KPNA7: variants seen among roughly 807,000 people sequenced by gnomAD.
KPNA7 encodes karyopherin subunit alpha 7.
In KPNA7, 54 loss-of-function variants were observed where a neutral mutation model predicts 53.7. The observed-to-expected ratio is 1.01, with a 90% CI of 0.81 to 1.26. KPNA7 has a LOEUF of 1.26. Among genes scored for constraint, KPNA7 ranks in the 50% most tolerant of loss-of-function variants. The pLI is 0.00. For missense variants in KPNA7, 640 were observed against 644.5 expected (o/e 0.99, Z 0.07); for synonymous variants, 276 against 259.3 (o/e 1.06, Z -0.62).
At chr7:99,148,844 C>G in the KPNA7 span, among the ~76,000 whole-genome samples, 1 of 1,742 alleles carries the variant, frequency 5.7e-4, no homozygotes, top group Non-Finnish European at 1.4e-3. Context: ...CTTTAGCCTC[C>G]CAAAAGGGCT....
the KPNA7 span, among the ~76,000 whole-genome samples, chr7:99,168,318 G>A: frequency 6.6e-6 from 1 of 152,158 alleles, no homozygotes; most frequent in South Asian, 2.1e-4. Flanking sequence ...TTGCCATGTT[G>A]TTGGATGGTT....
chr7:99,176,883 C>T (rs534727823), intron 10 of KPNA7, among the ~76,000 whole-genome samples: 1 of 151,582 alleles, frequency 6.6e-6, no homozygotes, highest in Non-Finnish European at 1.5e-5. Flanking sequence ...CCTGTCTTTA[C>T]AAACAAAAAA....
chr7:99,177,807 C>A, intron 10 of KPNA7, 113 bp downstream of exon 10: 2 of 1,089,332 alleles, frequency 1.8e-6, no homozygotes, highest in Non-Finnish European at 1.3e-6. Flanking sequence ...GAGTGAAGAC[C>A]ACCTGCCCAG....
chr7:99,159,348 C>CAAA, the KPNA7 span, among the ~76,000 whole-genome samples: 13 of 58,162 alleles, frequency 2.2e-4, no homozygotes, highest in African/African-American at 7.6e-4. Flanking sequence ...GACACTGTCT[C>CAAA]AAAAAAAAAA....
upstream of KPNA7, among the ~76,000 whole-genome samples, chr7:99,211,807 G>A (rs1188282498): frequency 5.3e-5 from 8 of 152,154 alleles, no homozygotes; most frequent in African/African-American, 1.9e-4. Context: ...GCCTGGGAAA[G>A]AATAGCCTAT....
intron 4 of KPNA7, 121 bp from the exon 5 acceptor site, chr7:99,195,459 C>T (rs538288247): frequency 1.5e-5 from 14 of 906,584 alleles, no homozygotes; most frequent in Admixed American, 5.3e-5. Context: ...GAGACCAAGG[C>T]GGGCAGATCA....
At chr7:99,219,225 G>A (rs983013509) in intron 1 of KPNA7, among the ~76,000 whole-genome samples, 3 of 152,222 alleles carry the variant, frequency 2.0e-5, no homozygotes, top group African/African-American at 7.2e-5. Context: ...CTCTGCAGCT[G>A]TAGCATTTTG....
At chr7:99,168,410 C>G in the KPNA7 span, among the ~76,000 whole-genome samples, 1 of 152,190 alleles carries the variant, frequency 6.6e-6, no homozygotes, top group African/African-American at 2.4e-5. Flanking sequence ...AAACCCCCCT[C>G]CCCTCCCACA....
intron 10 of KPNA7, among the ~76,000 whole-genome samples, chr7:99,177,231 G>C (rs1039659077): frequency 6.6e-6 from 1 of 152,194 alleles, no homozygotes; most frequent in Admixed American, 6.5e-5. Flanking sequence ...GGAAAGGTGT[G>C]TTGGGGACTT....
the KPNA7 span, among the ~76,000 whole-genome samples, chr7:99,163,585 C>T: frequency 6.6e-6 from 1 of 150,880 alleles, no homozygotes; most frequent in Non-Finnish European, 1.5e-5. Flanking sequence ...TGGAGTCATG[C>T]TGTGTTGCCC....
the KPNA7 span, among the ~76,000 whole-genome samples, chr7:99,150,351 C>T: frequency 0.012 from 1,795 of 151,246 alleles, 31 homozygotes; most frequent in African/African-American, 0.041. Flanking sequence ...CCACCTGGGC[C>T]GCCCCCTAAA....
the KPNA7 span, among the ~76,000 whole-genome samples, chr7:99,149,938 G>A: frequency 6.6e-5 from 10 of 152,024 alleles, no homozygotes; most frequent in Non-Finnish European, 1.2e-4. Flanking sequence ...CAGACAGACT[G>A]CAGGCACGTG....
At chr7:99,148,019 TAAA>T in the KPNA7 span, among the ~76,000 whole-genome samples, 2 of 141,498 alleles carry the variant, frequency 1.4e-5, no homozygotes, top group Admixed American at 7.1e-5. Context: ...CCCATGTCTT[TAAA>T]AAAAAAAAAA....
intron 6 of KPNA7, 125 bp from the exon 7 acceptor site, chr7:99,188,688 T>G: frequency 9.3e-7 from 1 of 1,071,930 alleles, no homozygotes. Context: ...AAAATTTTAT[T>G]TATTATTTTC....
At chr7:99,153,067 G>A in the KPNA7 span, among the ~76,000 whole-genome samples, 3 of 152,124 alleles carry the variant, frequency 2.0e-5, no homozygotes, top group African/African-American at 7.2e-5. Flanking sequence ...TGCTTACCTC[G>A]CAAACGGGGT....
intron 3 of KPNA7, among the ~76,000 whole-genome samples, chr7:99,199,397 G>A (rs7787830): frequency 0.08 from 12,098 of 152,114 alleles, 522 homozygotes; most frequent in South Asian, 0.15. Flanking sequence ...AAAGATAAAC[G>A]TATAGATCAA....
the KPNA7 span, among the ~76,000 whole-genome samples, chr7:99,166,604 C>T: frequency 6.6e-6 from 1 of 151,916 alleles, no homozygotes; most frequent in Non-Finnish European, 1.5e-5. Flanking sequence ...TGTGAGCCAC[C>T]GTGCCCGGCC....
intron 5 of KPNA7, 60 bp from the exon 6 acceptor site, chr7:99,193,161 G>A (rs200258375): frequency 5.4e-6 from 6 of 1,105,934 alleles, no homozygotes; most frequent in Non-Finnish European, 7.5e-6. Context: ...TGAAGTGGGT[G>A]ACTAATTTTT....
the KPNA7 span, among the ~76,000 whole-genome samples, chr7:99,147,723 G>A: frequency 8.7e-4 from 132 of 152,238 alleles, no homozygotes; most frequent in African/African-American, 3.1e-3. Flanking sequence ...CCCGGGAGGC[G>A]GAGGTTGCAG....
Sources: gnomAD v4.1 joint callset for allele counts (sites outside exome capture counted in the v4.1 genomes callset) on GRCh38, gnomAD v4.1.1 for gene constraint, MANE v1.5 for transcripts, NCBI Gene and HGNC (gene_info 2026-07-23, HGNC 2026-07-21) for gene names.